Variants in SPIN1 observed in about 807,000 individuals in gnomAD.
SPIN1 encodes the protein spindlin-1.
In SPIN1, 3 loss-of-function variants were observed where a neutral mutation model predicts 26.0. That is an observed-to-expected ratio of 0.12 (90% CI 0.05 to 0.30). The LOEUF (loss-of-function observed/expected upper bound fraction) is 0.30, where lower values mean the gene tolerates loss of function less well. Among genes scored for constraint, SPIN1 ranks in the 10% least tolerant of loss-of-function variants. The pLI, the probability that SPIN1 is intolerant of heterozygous loss-of-function variation, is 1.00. For synonymous variants in SPIN1, 101 were observed against 116.5 expected, an observed-to-expected ratio of 0.87 and a Z score of 0.86; for missense variants, 126 against 333.4, an observed-to-expected ratio of 0.38 and a Z score of 4.84.
intron 2 of SPIN1, among the ~76,000 whole-genome samples, chr9:88,441,044 G>C (rs1476577392): frequency 6.6e-6 from 1 of 151,740 alleles, no homozygotes; most frequent in Non-Finnish European, 1.5e-5. Context: ...GTATCCGTGG[G>C]TTTTACATCT....
At chr9:88,417,576 A>G (rs1827593367) in intron 1 of SPIN1, among the ~76,000 whole-genome samples, 1 of 152,084 alleles carries the variant, frequency 6.6e-6, no homozygotes. Flanking sequence ...GGGTTCAAGC[A>G]ATTTTCCTTT....
At chr9:88,449,162 C>A (rs1248038861) in intron 3 of SPIN1, among the ~76,000 whole-genome samples, 173 bp downstream of exon 3, 1 of 151,710 alleles carries the variant, frequency 6.6e-6, no homozygotes, top group Non-Finnish European at 1.5e-5. Flanking sequence ...TCTTCCCTTC[C>A]CCTTGGCCTG....
At chr9:88,415,105 C>T (rs914352259) in intron 1 of SPIN1, among the ~76,000 whole-genome samples, 6 of 151,888 alleles carry the variant, frequency 4.0e-5, no homozygotes, top group Admixed American at 6.6e-5. Flanking sequence ...GGGGTTTCAC[C>T]GTGTTAGCCA....
intron 1 of SPIN1, among the ~76,000 whole-genome samples, chr9:88,397,896 T>C (rs554755369): frequency 6.6e-6 from 1 of 151,654 alleles, no homozygotes; most frequent in East Asian, 1.9e-4. Context: ...AGTGCTGAGA[T>C]TACAGGTGTG....
intron 1 of SPIN1, among the ~76,000 whole-genome samples, 155 bp from the exon 2 acceptor site, chr9:88,426,227 C>T (rs541467828): frequency 1.3e-5 from 2 of 152,194 alleles, no homozygotes; most frequent in African/African-American, 2.4e-5. Flanking sequence ...TTTGTCATGT[C>T]CTAAGAACCC....
chr9:88,411,896 G>A (rs540460006), intron 1 of SPIN1, among the ~76,000 whole-genome samples: 17 of 152,120 alleles, frequency 1.1e-4, no homozygotes, highest in African/African-American at 3.4e-4. Context: ...GTTTGAGGCC[G>A]GGTGCGGTGG....
intron 3 of SPIN1, among the ~76,000 whole-genome samples, chr9:88,458,266 T>A (rs1028801917): frequency 6.6e-6 from 1 of 152,144 alleles, no homozygotes; most frequent in Non-Finnish European, 1.5e-5. Context: ...CAGAACAAAA[T>A]GTTAAGTATG....
chr9:88,474,855 T>A (rs1828857830), intron 5 of SPIN1, among the ~76,000 whole-genome samples: 1 of 152,148 alleles, frequency 6.6e-6, no homozygotes, highest in Non-Finnish European at 1.5e-5. Flanking sequence ...GTGGCAGAGT[T>A]CAGCAGTTGG....
intron 5 of SPIN1, among the ~76,000 whole-genome samples, chr9:88,469,439 C>G (rs1828734583): frequency 1.3e-5 from 2 of 152,324 alleles, no homozygotes; most frequent in South Asian, 4.1e-4. Flanking sequence ...ATTTCCACAA[C>G]TAGTCTGTTC....
intron 2 of SPIN1, among the ~76,000 whole-genome samples, chr9:88,439,519 C>G (rs1435042069): frequency 1.3e-5 from 2 of 152,194 alleles, no homozygotes; most frequent in African/African-American, 4.8e-5. Flanking sequence ...CAAGATACCT[C>G]ATTTTATACG....
At chr9:88,465,613 C>T (rs1020949903) in intron 4 of SPIN1, among the ~76,000 whole-genome samples, 3 of 152,198 alleles carry the variant, frequency 2.0e-5, no homozygotes, top group Non-Finnish European at 4.4e-5. Context: ...AATATCTACT[C>T]ACATCCTTTG....
chr9:88,395,102 C>G (rs1827025647), intron 1 of SPIN1, among the ~76,000 whole-genome samples: 1 of 151,938 alleles, frequency 6.6e-6, no homozygotes, highest in South Asian at 2.1e-4. Context: ...GCCACCGCGC[C>G]TGGCCTATTT....
chr9:88,474,536 A>C (rs1318142578), intron 5 of SPIN1, among the ~76,000 whole-genome samples: 1 of 152,182 alleles, frequency 6.6e-6, no homozygotes, highest in Non-Finnish European at 1.5e-5. Flanking sequence ...AGTGAAGTTG[A>C]GGGGGAAGAA....
chr9:88,412,671 G>T lies in SPIN1; in HGVS notation c.-158-13711G>T, dbSNP rs144217528. Among the ~76,000 whole-genome samples, 420 of 152,134 alleles carry T rather than the reference G, an allele frequency of 2.8e-3. 1 individual carries two copies. Among genetic ancestry groups the T allele is most frequent in the African/African-American group, 9.6e-3 (397 of 41,514 alleles). On this transcript the variant is annotated intron_variant, in intron 1 of 5. Coordinates refer to ENST00000375859, the MANE Select transcript of SPIN1 (RefSeq NM_006717.3). ...CTACCCTGTTAAACAGAAGACCATG[G>T]TGTCTTTCTTTGTCAGTAATTTTTT...
At chr9:88,438,082 C>G (rs1483184441) in intron 2 of SPIN1, among the ~76,000 whole-genome samples, 2 of 150,824 alleles carry the variant, frequency 1.3e-5, no homozygotes, top group Non-Finnish European at 1.5e-5. Flanking sequence ...ATCTGGGAGG[C>G]AGAATTTGCA....
At chr9:88,459,263 G>A (rs975686694) in intron 3 of SPIN1, among the ~76,000 whole-genome samples, 2 of 151,988 alleles carry the variant, frequency 1.3e-5, no homozygotes, top group Non-Finnish European at 2.9e-5. Flanking sequence ...GTCAGTTTAA[G>A]AAAAAAAGTA....
At chr9:88,463,566 C>T (rs929245817) in intron 4 of SPIN1, among the ~76,000 whole-genome samples, 7 of 152,088 alleles carry the variant, frequency 4.6e-5, no homozygotes, top group Non-Finnish European at 8.8e-5. Flanking sequence ...TTAGTTCAGT[C>T]TCCTCGCTTT....
chr9:88,440,664 C>T (rs1181566374), intron 2 of SPIN1, among the ~76,000 whole-genome samples: 1 of 149,628 alleles, frequency 6.7e-6, no homozygotes, highest in African/African-American at 2.5e-5. Flanking sequence ...CTGCAACCTC[C>T]GCCACCCGTG....
intron 1 of SPIN1, among the ~76,000 whole-genome samples, chr9:88,407,274 C>T (rs1827330545): frequency 6.6e-6 from 1 of 151,866 alleles, no homozygotes; most frequent in African/African-American, 2.4e-5. Flanking sequence ...ATAGCTGGGA[C>T]TACATACAGG....
Sources: gnomAD v4.1 joint callset for allele counts (sites outside exome capture counted in the v4.1 genomes callset) on GRCh38, gnomAD v4.1.1 for gene constraint, MANE v1.5 for transcripts, NCBI Gene and HGNC (gene_info 2026-07-23, HGNC 2026-07-21) for gene names.